DES: variants seen among roughly 807,000 people sequenced by gnomAD.
The protein encoded by DES is cardiomyopathy, dilated 1F (autosomal dominant).
A neutral mutation model predicts 55.1 loss-of-function variants in DES; 34 were observed. The observed-to-expected ratio is 0.62, with a 90% CI of 0.47 to 0.82. DES has a LOEUF of 0.82. DES is among the 40% of genes least tolerant of loss of function. The pLI, the probability that DES is intolerant of heterozygous loss-of-function variation, is 0.00. For synonymous variants in DES, 259 were observed against 270.8 expected (o/e 0.96, Z 0.43); for missense variants, 596 against 645.9 (o/e 0.92, Z 0.84).
chr2:219,420,763 C>G lies in DES; in HGVS notation c.898-65C>G. 1 of 1,613,574 alleles carries G rather than the reference C, an allele frequency of 6.2e-7. No individual in the cohort carries two copies. Among genetic ancestry groups the G allele is most frequent in the Non-Finnish European group, 8.5e-7 (1 of 1,179,906 alleles). On this transcript the variant is annotated intron_variant, in intron 4 of 8. Coordinates refer to ENST00000373960, the MANE Select transcript of DES (RefSeq NM_001927.4). This position sits in a 1 kb window ranked among gnomAD's most constrained non-coding sequence, Gnocchi z 6.0. ...GAGGAGAGCCCAGAGGCTTCATGCT[C>G]CCTTGCTCATCCCTACCCGTGCCCT...
chr2:219,421,632 T>C, intron 6 of DES, 72 bp downstream of exon 6: 2 of 1,414,048 alleles, frequency 1.4e-6, no homozygotes, highest in Non-Finnish European at 2.0e-6. Flanking sequence ...CCCAGGAGGC[T>C]CGAGATTACT....
intron 6 of DES, among the ~76,000 whole-genome samples, chr2:219,422,236 G>A (rs770345582): frequency 2.6e-5 from 4 of 152,128 alleles, no homozygotes; most frequent in Non-Finnish European, 4.4e-5. Flanking sequence ...CAAATAGAGA[G>A]AGGGAGGGAG....
At position 219,421,363 on chromosome 2, in the gene DES, G is replaced by A. The variant is rs375005961; in HGVS notation, c.1047G>A (p.Met349Ile). The A allele has an allele frequency of 1.9e-6, 3 of 1,614,018 alleles. No homozygotes were observed. Among genetic ancestry groups the A allele is most frequent in the South Asian group, 1.1e-5 (1 of 91,084 alleles). The change falls in exon 6 of 9, where the codon ATG (methionine) becomes ATA (isoleucine). Residue 349 changes from methionine to isoleucine, a missense_variant. Physicochemically the swap from Met to Ile is conservative, Grantham distance 10. Transcript: ENST00000373960. ...KGTNDSLMRQ[M>I]RELEDRFASE... is the part of the protein sequence containing the mutation. ...AGAACGATTCCCTGATGAGGCAGATGCGGGAATTGGAGGACCGATTTGCCA... is the reference window on the plus strand; with the variant it reads ...AGAACGATTCCCTGATGAGGCAGATACGGGAATTGGAGGACCGATTTGCCA...
At chr2:219,423,935 G>A (rs1194066405) in intron 7 of DES, 115 bp downstream of exon 7, 1 of 1,192,432 alleles carries the variant, frequency 8.4e-7, no homozygotes, top group African/African-American at 1.5e-5. Flanking sequence ...GGACAGACCT[G>A]GAGTCTGGGG....
intron 8 of DES, 58 bp downstream of exon 8, chr2:219,425,803 G>T (rs765291236): frequency 8.5e-5 from 136 of 1,604,286 alleles, no homozygotes; most frequent in Middle Eastern, 1.7e-4. Flanking sequence ...TGTCTGGGGG[G>T]ACTGTCTTCC....
chr2:219,425,561 C>G (rs1954519780), intron 7 of DES, 102 bp from the exon 8 acceptor site: 1 of 1,010,500 alleles, frequency 9.9e-7, no homozygotes, highest in Non-Finnish European at 1.5e-6. Context: ...GGGTTGGGGT[C>G]TGCTAGGGCT....
In DES at chr2:219,419,141, G is replaced by A; in HGVS notation, c.578+101G>A. 6.5e-7 allele frequency: 1 copy of A among 1,528,112 alleles called. No homozygotes were observed. Among genetic ancestry groups the A allele is most frequent in the Non-Finnish European group, 8.7e-7 (1 of 1,142,890 alleles). 94.7% of individuals were successfully genotyped at this position (1,528,112 alleles called of 1,614,324 possible). The stretch of plus-strand genomic sequence containing the variant: ...CTGTCAGCACCTGCCTTCTCCCGGG[G>A]CCCGGGACCCTCTCCTGCCCCATGT... On this transcript the variant is annotated intron_variant, in intron 1 of 8. Coordinates refer to ENST00000373960, the MANE Select transcript of DES (RefSeq NM_001927.4). The surrounding 1 kb of genome is among the most constrained non-coding windows in gnomAD (Gnocchi z 4.3).
chr2:219,424,885 C>G (rs1954507454), intron 7 of DES, among the ~76,000 whole-genome samples: 1 of 152,204 alleles, frequency 6.6e-6, no homozygotes, highest in African/African-American at 2.4e-5. Flanking sequence ...TTTAAGACAT[C>G]AAGTTGCTCA....
At chr2:219,421,661 T>A in intron 6 of DES, 101 bp downstream of exon 6, 1 of 1,125,682 alleles carries the variant, frequency 8.9e-7, no homozygotes, top group Non-Finnish European at 1.3e-6. Context: ...CAACAAGACC[T>A]GGAAACAATT....
chr2:219,420,721 T>C lies in DES; in HGVS notation c.897+65T>C. 4 of 1,613,400 alleles carry C rather than the reference T, an allele frequency of 2.5e-6. No individual in the cohort carries two copies. Among genetic ancestry groups the C allele is most frequent in the South Asian group, 1.1e-5 (1 of 91,008 alleles). Reference sequence around the variant, plus strand: ...TGAATCCCAGCTTGGATGTGCTGCCTGTGGTACCATCCATGGGAGGAGAGC... The same window carrying C: ...TGAATCCCAGCTTGGATGTGCTGCCCGTGGTACCATCCATGGGAGGAGAGC... On this transcript the variant is annotated intron_variant, in intron 4 of 8. Coordinates refer to ENST00000373960, the MANE Select transcript of DES (RefSeq NM_001927.4). The surrounding 1 kb of genome is among the most constrained non-coding windows in gnomAD (Gnocchi z 6.0).
chr2:219,423,331 T>G (rs1189652122), intron 6 of DES, among the ~76,000 whole-genome samples: 2 of 152,006 alleles, frequency 1.3e-5, no homozygotes, highest in Non-Finnish European at 2.9e-5. Flanking sequence ...CCTTGAGCAG[T>G]ATGGGTGGTG....
Position 219,418,618 on chromosome 2 carries a change from C to T in DES, c.156C>T (p.Arg52=). ...SKGSSSSVTS[R]VYQVSRTSGG... ...GCTCCTCCAGCTCGGTGACGTCCCG[C>T]GTGTACCAGGTGTCGCGCACGTCGG... The change falls in exon 1 of 9, where the codon CGC becomes CGT. Residue 52 remains arginine (R), a synonymous_variant. Transcript: ENST00000373960. 6.2e-7 allele frequency: 1 copy of T among 1,602,868 alleles called. No homozygotes were observed. Among genetic ancestry groups the T allele is most frequent in the Non-Finnish European group, 8.5e-7 (1 of 1,175,062 alleles).
chr2:219,421,172 T>C (rs181452995), intron 5 of DES, among the ~76,000 whole-genome samples, 168 bp from the exon 6 acceptor site: 36 of 152,324 alleles, frequency 2.4e-4, no homozygotes, highest in African/African-American at 8.4e-4. Flanking sequence ...AATGCAATGT[T>C]CCTTTGTATC....
chr2:219,423,961 A>C (rs764153146), intron 7 of DES, 141 bp downstream of exon 7: 9 of 913,984 alleles, frequency 9.8e-6, no homozygotes, highest in Non-Finnish European at 1.6e-5. Context: ...AAAGGGGACC[A>C]CTGCGGGTAG....
chr2:219,420,020 T>C lies in DES; in HGVS notation c.579-75T>C. ...GCTCTGTCCTGGACCCACCCCCTGG[T>C]CAGCCCCCGGCCAGTCGTTTCCACT... On this transcript the variant is annotated intron_variant, in intron 1 of 8. Transcript: ENST00000373960. The surrounding 1 kb of genome is among the most constrained non-coding windows in gnomAD (Gnocchi z 6.0). 1 of 1,528,374 alleles carries C rather than the reference T, an allele frequency of 6.5e-7. No homozygotes were observed. The highest frequency in any genetic ancestry group is 1.4e-5 in the African/African-American group (1 of 73,106). 94.7% of individuals were successfully genotyped at this position (1,528,374 alleles called of 1,614,324 possible).
chr2:219,425,932 C>T lies in DES; in HGVS notation c.1372-17C>T. ...CTGGCTAGCACATGGTTGGACTGGG[C>T]TTCTCTTCCTCCCCAGGTCGTCAGT... On this transcript the variant is annotated splice_polypyrimidine_tract_variant and intron_variant, in intron 8 of 8. Transcript: ENST00000373960. The T allele has an allele frequency of 6.2e-7, 1 of 1,613,952 alleles. No individual in the cohort carries two copies. Among genetic ancestry groups the T allele is most frequent in the Non-Finnish European group, 8.5e-7 (1 of 1,179,958 alleles).
chr2:219,425,585 C>A, intron 7 of DES, 78 bp from the exon 8 acceptor site: 1 of 1,309,256 alleles, frequency 7.6e-7, no homozygotes, highest in Non-Finnish European at 1.1e-6. Context: ...CCCAATGTGG[C>A]CCCAGATGGA....
In DES at chr2:219,426,068, C is replaced by T. The variant is rs1954530833; in HGVS notation, c.*78C>T. On this transcript the variant is annotated 3_prime_UTR_variant, in exon 9 of 9. Coordinates refer to ENST00000373960, the MANE Select transcript of DES (RefSeq NM_001927.4). This position sits in a 1 kb window ranked among gnomAD's most constrained non-coding sequence, Gnocchi z 4.5. ...CCCTGAAGCCAGCCTTCTTCCATCC[C>T]AGGACACCACACCCAGCCTCAGTCC... 14 of 1,514,456 alleles carry T rather than the reference C, an allele frequency of 9.2e-6. No individual in the cohort carries two copies. Among genetic ancestry groups the T allele is most frequent in the Non-Finnish European group, 1.2e-5 (13 of 1,095,794 alleles). The allele number at this position is 1,514,456 out of a possible 1,614,324, so 93.8% of individuals were successfully genotyped here.
Position 219,420,493 on chromosome 2 carries a change from A to G in DES, c.736-2A>G. On this transcript the variant is annotated splice_acceptor_variant, in intron 3 of 8. Coordinates refer to ENST00000373960, the MANE Select transcript of DES (RefSeq NM_001927.4). LOFTEE classifies it high-confidence loss of function. The surrounding 1 kb of genome is among the most constrained non-coding windows in gnomAD (Gnocchi z 6.0). ...GGACTGAAGCCCAGTCATGCCCTACAGGAGATCCGTGAGTTGCAGGCTCAG... is the reference window on the plus strand; with the variant it reads ...GGACTGAAGCCCAGTCATGCCCTACGGGAGATCCGTGAGTTGCAGGCTCAG... 1 of 1,613,964 alleles carries G rather than the reference A, an allele frequency of 6.2e-7. No individual in the cohort carries two copies. Among genetic ancestry groups the G allele is most frequent in the Non-Finnish European group, 8.5e-7 (1 of 1,179,990 alleles).
Sources: allele counts gnomAD v4.1 joint callset (sites outside exome capture counted in the v4.1 genomes callset), GRCh38; gene constraint gnomAD v4.1.1; non-coding constraint Gnocchi (gnomAD v3.1); transcripts MANE v1.5; gene names NCBI Gene and HGNC (gene_info 2026-07-23, HGNC 2026-07-21).